The following LPP variants were observed in gnomAD, a reference collection of about 807,000 sequenced individuals.
The protein encoded by LPP is lipoma-preferred partner.
Under a neutral mutation model 60.4 loss-of-function variants are expected in LPP, and 38 were observed. The observed-to-expected ratio is 0.63, with a 90% confidence interval of 0.49 to 0.83. LPP has a LOEUF of 0.83. LPP is among the 40% of genes least tolerant of loss of function. LPP has a pLI of 0.00. For missense variants in LPP, 902 were observed against 783.6 expected (o/e 1.15, Z -1.80); for synonymous variants, 328 against 290.8 (o/e 1.13, Z -1.30).
intron 2 of LPP, among the ~76,000 whole-genome samples, chr3:188,316,442 GA>G (rs796197283): frequency 1.3e-5 from 2 of 148,332 alleles, no homozygotes; most frequent in South Asian, 2.2e-4. Flanking sequence ...CCTACTGGAA[GA>G]AAAAAAAAAT....
At chr3:188,840,538 T>C (rs1759682355) in intron 9 of LPP, among the ~76,000 whole-genome samples, 1 of 152,190 alleles carries the variant, frequency 6.6e-6, no homozygotes, top group African/African-American at 2.4e-5. Context: ...TTGCTCTCTT[T>C]CCCGGGCTGG....
At chr3:188,844,722 G>A (rs765947331) in intron 9 of LPP, among the ~76,000 whole-genome samples, 8 of 152,208 alleles carry the variant, frequency 5.3e-5, no homozygotes, top group East Asian at 3.8e-4. Context: ...CGGAAGGAGC[G>A]TAGACCTACA....
At chr3:188,381,144 G>T (rs1776770660) in intron 3 of LPP, among the ~76,000 whole-genome samples, 2 of 152,114 alleles carry the variant, frequency 1.3e-5, no homozygotes, top group African/African-American at 2.4e-5. Context: ...TGTCTAAGAT[G>T]GTCCTGTGAT....
rs568167688 is a variant in LPP at position 188,798,686 on chromosome 3, T to C, written c.1410+38404T>C. Among the ~76,000 whole-genome samples, 3 of 152,314 alleles carry C rather than the reference T, an allele frequency of 2.0e-5. No individual in the cohort carries two copies. The South Asian group carries it at 6.2e-4, about 32-fold the overall frequency. ...GAAATAGATAGTGTAGTTTCTGATG[T>C]CAAGGAACACTTTAGAGAGACCTTA... On this transcript the variant is annotated intron_variant, in intron 9 of 11. Transcript: ENST00000617246.
intron 4 of LPP, among the ~76,000 whole-genome samples, chr3:188,479,788 T>C (rs77313683): frequency 6.6e-6 from 1 of 152,254 alleles, no homozygotes; most frequent in Non-Finnish European, 1.5e-5. Context: ...GATATTTAGA[T>C]GAAGAAGAGC....
At chr3:188,735,575 G>A (rs1722215898) in intron 8 of LPP, among the ~76,000 whole-genome samples, 1 of 151,712 alleles carries the variant, frequency 6.6e-6, no homozygotes, top group African/African-American at 2.4e-5. Context: ...TTAGAGATGG[G>A]GTTTCACCAT....
At chr3:188,265,319 C>A (rs1428362022) in intron 2 of LPP, among the ~76,000 whole-genome samples, 1 of 152,178 alleles carries the variant, frequency 6.6e-6, no homozygotes, top group Non-Finnish European at 1.5e-5. Flanking sequence ...GGAGGCATCA[C>A]AGTGGCTGGC....
chr3:188,458,540 G>A (rs1470416862), intron 4 of LPP, among the ~76,000 whole-genome samples: 1 of 152,144 alleles, frequency 6.6e-6, no homozygotes, highest in Non-Finnish European at 1.5e-5. Context: ...TTACTATAAT[G>A]TACCGCCAGG....
intron 4 of LPP, among the ~76,000 whole-genome samples, chr3:188,462,195 A>G (rs567401590): frequency 6.6e-6 from 1 of 152,136 alleles, no homozygotes; most frequent in African/African-American, 2.4e-5. Context: ...CTTAAGAATT[A>G]CGTCTCTTTT....
Position 188,887,960 on chromosome 3 carries a change from T to C in LPP, c.*13481T>C, listed in dbSNP as rs1445064686. 1 of 209,276 alleles carries C rather than the reference T, an allele frequency of 4.8e-6. No homozygotes were observed. The highest frequency in any genetic ancestry group is 9.7e-6 in the Non-Finnish European group (1 of 103,090). The allele number at this position is 209,276 out of a possible 1,614,324, so 13.0% of individuals were successfully genotyped here. A position where few individuals can be genotyped will look rare whatever the true frequency, so the allele number is the denominator to read the frequency against. On this transcript the variant is annotated 3_prime_UTR_variant, in exon 12 of 12. Coordinates refer to ENST00000617246, the MANE Select transcript of LPP (RefSeq NM_001375462.1). ...TATGCCCTCATTCTTTTTCAAGAAA[T>C]ATCTCAAAGAGCAAATAGAATTAAA...
intron 5 of LPP, among the ~76,000 whole-genome samples, chr3:188,507,078 T>A (rs2149961540): frequency 6.6e-6 from 1 of 152,268 alleles, no homozygotes; most frequent in East Asian, 1.9e-4. Context: ...ATTACAGGCA[T>A]GAGCCACCAC....
In LPP at chr3:188,428,608, T is replaced by TTTA. The variant is rs199654926; in HGVS notation, c.193+22295_193+22296insTTA. Reference sequence around the variant, plus strand: ...TATATATATATATATTTTTTTTTTTTAACACTATCCATTTTTAGAACTGCT... The same window carrying TTTA: ...TATATATATATATATTTTTTTTTTTTTTAAACACTATCCATTTTTAGAACTGCT... On this transcript the variant is annotated intron_variant, in intron 4 of 11. Coordinates refer to ENST00000617246, the MANE Select transcript of LPP (RefSeq NM_001375462.1). 2.0e-5 allele frequency among the ~76,000 whole-genome samples: 3 copies of TTTA among 149,820 alleles called. No individual in the cohort carries two copies. The South Asian group carries it at 6.3e-4, about 31-fold the overall frequency.
At position 188,217,538 on chromosome 3, in the gene LPP, G is replaced by A. The variant is rs957899997; in HGVS notation, c.-189-7867G>A. On this transcript the variant is annotated intron_variant, in intron 1 of 11. Transcript: ENST00000617246. The surrounding 1 kb of genome is among the most constrained non-coding windows in gnomAD (Gnocchi z 4.0). ...GTCAAGGGTAGAAGCAAGAAGGTTA[G>A]GCTAGACTTTTACCGTAATTCAGGT... Among the ~76,000 whole-genome samples the A allele has an allele frequency of 2.6e-5, 4 of 152,144 alleles. No individual in the cohort carries two copies. The highest frequency in any genetic ancestry group is 9.7e-5 in the African/African-American group (4 of 41,426).
chr3:188,833,526 A>G (rs1341169608), intron 9 of LPP, among the ~76,000 whole-genome samples: 3 of 152,196 alleles, frequency 2.0e-5, no homozygotes, highest in African/African-American at 7.2e-5. Context: ...GTTTAAGAGA[A>G]TCTGAGTAAA....
chr3:188,824,188 C>G (rs1041435975), intron 9 of LPP, among the ~76,000 whole-genome samples: 1 of 152,128 alleles, frequency 6.6e-6, no homozygotes, highest in South Asian at 2.1e-4. Context: ...CTGAAAAGTA[C>G]GTTCACTCAT....
At chr3:188,852,034 C>T (rs1397252740) in intron 9 of LPP, among the ~76,000 whole-genome samples, 2 of 152,108 alleles carry the variant, frequency 1.3e-5, no homozygotes, top group African/African-American at 2.4e-5. Context: ...CATGATGGCA[C>T]GTGCTTGTAG....
intron 7 of LPP, among the ~76,000 whole-genome samples, chr3:188,638,280 T>C (rs1331859902): frequency 2.7e-5 from 4 of 149,138 alleles, no homozygotes; most frequent in South Asian, 2.1e-4. Flanking sequence ...ATTATCTCAA[T>C]AGATGCAGAA....
chr3:188,491,164 T>C (rs1407394120), intron 5 of LPP, among the ~76,000 whole-genome samples: 1 of 152,192 alleles, frequency 6.6e-6, no homozygotes, highest in Non-Finnish European at 1.5e-5. Context: ...ACCTACAGTA[T>C]GGCCACATTC....
intron 7 of LPP, among the ~76,000 whole-genome samples, chr3:188,672,123 C>G (rs1009017303): frequency 1.3e-5 from 2 of 152,010 alleles, no homozygotes; most frequent in African/African-American, 4.8e-5. Context: ...GAACTGACTG[C>G]GTAAGAATTT....
Sources: allele counts gnomAD v4.1 joint callset (sites outside exome capture counted in the v4.1 genomes callset), GRCh38; gene constraint gnomAD v4.1.1; non-coding constraint Gnocchi (gnomAD v3.1); transcripts MANE v1.5; gene names NCBI Gene and HGNC (gene_info 2026-07-23, HGNC 2026-07-21).